LARGE1: variants seen among roughly 807,000 people sequenced by gnomAD.
The protein encoded by LARGE1 is xylosyl- and glucuronyltransferase LARGE1.
LARGE1 carries 43 observed loss-of-function variants against 87.6 expected under a neutral mutation model. The ratio of observed to expected loss-of-function variants is 0.49; its 90% CI spans 0.38 to 0.63. LARGE1 has a LOEUF of 0.63. Among genes scored for constraint, LARGE1 ranks in the 30% least tolerant of loss-of-function variants. The pLI is 0.00. For missense variants in LARGE1, 802 were observed against 1,000.2 expected (o/e 0.80, Z 2.67); for synonymous variants, 434 against 394.6 (o/e 1.10, Z -1.18).
chr22:33,561,463 A>G (rs2077858277), intron 6 of LARGE1, among the ~76,000 whole-genome samples: 1 of 152,196 alleles, frequency 6.6e-6, no homozygotes, highest in South Asian at 2.1e-4. Context: ...GGTATACCAG[A>G]AGTATCTCGT....
chr22:33,777,566 C>T (rs1274958867), intron 1 of LARGE1, among the ~76,000 whole-genome samples: 1 of 149,572 alleles, frequency 6.7e-6, no homozygotes. Context: ...TCTCTTGAGC[C>T]CAGGAGGTCA....
At chr22:33,556,521 AGGGAGGGAGGGAGGGAAGG>A (rs2077683606) in intron 6 of LARGE1, among the ~76,000 whole-genome samples, 1 of 47,506 alleles carries the variant, frequency 2.1e-5, no homozygotes, top group African/African-American at 7.5e-5. Flanking sequence ...GAAGGAAGGG[AGGGAGGGAGGGAGGGAAGG>A]AGGGAGGGAG....
intron 1 of LARGE1, among the ~76,000 whole-genome samples, chr22:33,857,948 G>A (rs2063801775): frequency 1.3e-5 from 2 of 152,096 alleles, no homozygotes; most frequent in African/African-American, 4.8e-5. Flanking sequence ...GATCGTGGCG[G>A]GCCGCTTCCA....
intron 6 of LARGE1, among the ~76,000 whole-genome samples, chr22:33,530,716 T>C (rs1487103142): frequency 1.3e-5 from 2 of 152,168 alleles, no homozygotes; most frequent in African/African-American, 2.4e-5. Flanking sequence ...ACACAGTCCC[T>C]GCAGAGCCTG....
intron 5 of LARGE1, among the ~76,000 whole-genome samples, chr22:33,580,288 T>G (rs1254397792): frequency 6.6e-6 from 1 of 151,782 alleles, no homozygotes; most frequent in Non-Finnish European, 1.5e-5. Context: ...GAGAATCGCT[T>G]GAACCCAGGT....
rs753419341 is a variant in LARGE1 at position 33,626,293 on chromosome 22, T to G, written c.442A>C (p.Asn148His). The G allele has an allele frequency of 1.2e-6, 2 of 1,613,970 alleles. No individual in the cohort carries two copies. Among genetic ancestry groups the G allele is most frequent in the Non-Finnish European group, 8.5e-7 (1 of 1,179,990 alleles). Reference sequence around the variant, plus strand: ...AGGGTGACGACATCCCGGCTGGCATTGTATCCGGCGCAGACAATAGCAACG... The same window carrying G: ...AGGGTGACGACATCCCGGCTGGCATGGTATCCGGCGCAGACAATAGCAACG... Reference protein sequence around the residue: ...IHVAIVCAGYNASRDVVTLVK... With the variant: ...IHVAIVCAGYHASRDVVTLVK... Residue 148 changes from asparagine to histidine, a missense_variant, in exon 4 of 15, where the codon AAT (asparagine) becomes CAT (histidine). Physicochemically the swap from Asn to His is moderately conservative, Grantham distance 68 (BLOSUM62 1). Coordinates refer to ENST00000397394, the MANE Select transcript of LARGE1 (RefSeq NM_133642.5).
At chr22:33,851,512 C>A (rs2063582302) in intron 1 of LARGE1, among the ~76,000 whole-genome samples, 3 of 152,236 alleles carry the variant, frequency 2.0e-5, no homozygotes, top group Admixed American at 2.0e-4. Flanking sequence ...AAATAACCTA[C>A]ACATTTCTAC....
intron 11 of LARGE1, among the ~76,000 whole-genome samples, chr22:33,201,671 T>C (rs1291247934): frequency 1.3e-5 from 2 of 152,078 alleles, no homozygotes; most frequent in African/African-American, 4.8e-5. Flanking sequence ...AAGCCCAGTG[T>C]GGCCTGAGTA....
chr22:33,684,652 TAG>T (rs1189307770), intron 2 of LARGE1, among the ~76,000 whole-genome samples: 1 of 152,072 alleles, frequency 6.6e-6, no homozygotes, highest in Non-Finnish European at 1.5e-5. Flanking sequence ...AGTTCCTCAC[TAG>T]GACATGCAAG....
chr22:33,280,504 G>A (rs949680534), intron 13 of LARGE1, among the ~76,000 whole-genome samples: 7 of 152,094 alleles, frequency 4.6e-5, no homozygotes, highest in African/African-American at 1.7e-4. Flanking sequence ...GGAAAACAAT[G>A]GGGGAGACGG....
At chr22:33,343,474 T>C (rs1939394315) in intron 9 of LARGE1, among the ~76,000 whole-genome samples, 1 of 152,188 alleles carries the variant, frequency 6.6e-6, no homozygotes, top group Non-Finnish European at 1.5e-5. Flanking sequence ...TGATATTAAA[T>C]ACATAATACC....
chr22:33,459,616 C>T (rs1470111801), intron 6 of LARGE1, among the ~76,000 whole-genome samples: 1 of 151,908 alleles, frequency 6.6e-6, no homozygotes, highest in East Asian at 1.9e-4. Context: ...CCCAATAGCA[C>T]CCAAGAACAA....
chr22:33,504,032 G>A (rs1460729849), intron 6 of LARGE1, among the ~76,000 whole-genome samples: 11 of 152,158 alleles, frequency 7.2e-5, no homozygotes, highest in Non-Finnish European at 1.5e-4. Context: ...AAGGCCACAT[G>A]TTGTATATTA....
At chr22:33,886,853 A>G (rs2064866652) in intron 1 of LARGE1, among the ~76,000 whole-genome samples, 1 of 152,132 alleles carries the variant, frequency 6.6e-6, no homozygotes, top group African/African-American at 2.4e-5. Context: ...GAAAACGACA[A>G]AAAGACACCC....
chr22:33,665,811 G>A (rs1397843441), intron 2 of LARGE1, among the ~76,000 whole-genome samples: 3 of 152,026 alleles, frequency 2.0e-5, no homozygotes, highest in Non-Finnish European at 4.4e-5. Context: ...AGAATGGTGT[G>A]AACCCAGGAG....
chr22:33,392,778 A>G (rs909390779), intron 7 of LARGE1, among the ~76,000 whole-genome samples: 7 of 152,238 alleles, frequency 4.6e-5, no homozygotes, highest in Non-Finnish European at 1.0e-4. Context: ...TGTAGTGGGA[A>G]TTATTAATGG....
chr22:33,379,924 T>C (rs1279884827), intron 9 of LARGE1, among the ~76,000 whole-genome samples: 1 of 152,174 alleles, frequency 6.6e-6, no homozygotes, highest in Non-Finnish European at 1.5e-5. Context: ...AGGAGCTCTG[T>C]TCCAGGAACC....
the LARGE1 span, among the ~76,000 whole-genome samples, chr22:33,079,141 A>G: frequency 6.8e-6 from 1 of 147,726 alleles, no homozygotes; most frequent in African/African-American, 2.5e-5. Flanking sequence ...GTGTAGGGTG[A>G]TGATTAAATG....
At chr22:33,819,740 T>TA (rs965864532) in intron 1 of LARGE1, among the ~76,000 whole-genome samples, 3 of 152,174 alleles carry the variant, frequency 2.0e-5, no homozygotes, top group African/African-American at 7.2e-5. Flanking sequence ...GCCTACTCCA[T>TA]AAAAAATCTC....
Sources: allele counts gnomAD v4.1 joint callset (sites outside exome capture counted in the v4.1 genomes callset), GRCh38; gene constraint gnomAD v4.1.1; transcripts MANE v1.5; gene names NCBI Gene and HGNC (gene_info 2026-07-23, HGNC 2026-07-21).